VIPR2: variants seen among roughly 807,000 people sequenced by gnomAD.
The protein encoded by VIPR2 is vasoactive intestinal peptide receptor 2.
VIPR2 carries 48 observed loss-of-function variants against 58.0 expected under a neutral mutation model. That is an observed-to-expected ratio of 0.83 (90% CI 0.66 to 1.05). VIPR2 has a LOEUF of 1.05. Among genes scored for constraint, VIPR2 ranks in the 50% least tolerant of loss-of-function variants. The probability of loss-of-function intolerance (pLI) is 0.00; values close to 1 mark genes in which losing one functional copy is unlikely to be tolerated. For synonymous variants in VIPR2, 243 were observed against 235.2 expected, an observed-to-expected ratio of 1.03 and a Z score of -0.30; for missense variants, 534 against 558.0, an observed-to-expected ratio of 0.96 and a Z score of 0.43.
intron 2 of VIPR2, among the ~76,000 whole-genome samples, chr7:159,119,634 C>G (rs562810212): frequency 7.5e-4 from 115 of 152,358 alleles, no homozygotes; most frequent in African/African-American, 2.7e-3. Context: ...AGTCCCATCT[C>G]CCATGTGTGT....
intron 2 of VIPR2, among the ~76,000 whole-genome samples, chr7:159,137,791 CA>C (rs112399898): frequency 0.01 from 1,533 of 151,936 alleles, 21 homozygotes; most frequent in African/African-American, 0.035. Flanking sequence ...CAAAAAGATC[CA>C]AAAGAAAAAA....
intron 4 of VIPR2, among the ~76,000 whole-genome samples, chr7:159,101,090 T>A (rs1176218900): frequency 6.9e-6 from 1 of 144,844 alleles, no homozygotes. Context: ...AGTGAACGGG[T>A]CTCACGAGAT....
intron 2 of VIPR2, among the ~76,000 whole-genome samples, chr7:159,131,414 C>G (rs1298103051): frequency 3.9e-5 from 6 of 152,138 alleles, no homozygotes; most frequent in African/African-American, 1.4e-4. Context: ...CTCTACCTAC[C>G]CAGAAATACC....
At chr7:159,061,996 C>G (rs544038599) in intron 4 of VIPR2, among the ~76,000 whole-genome samples, 6 of 152,192 alleles carry the variant, frequency 3.9e-5, no homozygotes, top group Admixed American at 3.3e-4. Flanking sequence ...AGAGGAGCCC[C>G]GTCCTGAGAA....
At position 159,128,505 on chromosome 7, in the gene VIPR2, C is replaced by T. The variant is rs956778313; in HGVS notation, c.151+13941G>A. ...TCCCACCTGTGTGCTGGGACCCCTTCACCCTCCCTCCAGCAGCTTTGGCAG... is the reference window on the plus strand; with the variant it reads ...TCCCACCTGTGTGCTGGGACCCCTTTACCCTCCCTCCAGCAGCTTTGGCAG... On this transcript the variant is annotated intron_variant, in intron 2 of 12. Coordinates refer to ENST00000262178, the MANE Select transcript of VIPR2 (RefSeq NM_003382.5). This position sits in a 1 kb window ranked among gnomAD's most constrained non-coding sequence, Gnocchi z 4.1. 1.3e-5 allele frequency among the ~76,000 whole-genome samples: 2 copies of T among 152,164 alleles called. No homozygotes were observed. The highest frequency in any genetic ancestry group is 4.8e-5 in the African/African-American group (2 of 41,430).
Position 159,028,405 on chromosome 7 carries a change from C to T in VIPR2, c.*2211G>A, listed in dbSNP as rs1265996738. On this transcript the variant is annotated 3_prime_UTR_variant, in exon 13 of 13. Coordinates refer to ENST00000262178, the MANE Select transcript of VIPR2 (RefSeq NM_003382.5). ...TGTGCGGTTGAGGGGAGATTGTCCC[C>T]TGAGCACACCTGATGACTGATGACT... The T allele has an allele frequency of 2.0e-5, 3 of 152,414 alleles. No individual in the cohort carries two copies. Among genetic ancestry groups the T allele is most frequent in the Admixed American group, 2.0e-4 (3 of 15,292 alleles). The allele number at this position is 152,414 out of a possible 1,614,324, so 9.4% of individuals were successfully genotyped here.
rs1478783605 is a variant in VIPR2 at position 159,142,504 on chromosome 7, T to C, written c.93A>G (p.Ile31Met). The change falls in exon 2 of 13, where the codon ATA becomes ATG. Residue 31 changes from isoleucine to methionine, a missense_variant. Physicochemically the swap from Ile to Met is conservative, Grantham distance 10. Around this residue, in one of 3 missense-constraint regions of VIPR2, gnomAD observed 224 missense variants for 255.7 expected, o/e 0.88. Coordinates refer to ENST00000262178, the MANE Select transcript of VIPR2 (RefSeq NM_003382.5). ...IHPECRFHLEIQEEETKCAEL... is the reference protein window; with the variant it reads ...IHPECRFHLEMQEEETKCAEL... ...CTGCACATTTTGTTTCTTCCTCCTG[T>C]ATTTCCAGATGAAATCGGCATTCTG... 5.0e-6 allele frequency: 8 copies of C among 1,614,138 alleles called. No homozygotes were observed. Among genetic ancestry groups the C allele is most frequent in the South Asian group, 2.2e-5 (2 of 91,068 alleles).
intron 4 of VIPR2, among the ~76,000 whole-genome samples, chr7:159,100,459 G>A (rs1025752762): frequency 6.6e-5 from 10 of 151,768 alleles, no homozygotes; most frequent in Non-Finnish European, 1.5e-4. Flanking sequence ...GTGACAGTGG[G>A]CTCACAGTAA....
chr7:159,030,837 G>C (rs1853517169), intron 12 of VIPR2, 48 bp from the exon 13 acceptor site: 5 of 1,465,254 alleles, frequency 3.4e-6, no homozygotes, highest in Non-Finnish European at 4.5e-6. Flanking sequence ...GGCAGGTGCG[G>C]GCGGCTGCTA....
At chr7:159,103,105 C>T (rs73169249) in intron 4 of VIPR2, among the ~76,000 whole-genome samples, 2 of 152,088 alleles carry the variant, frequency 1.3e-5, no homozygotes, top group African/African-American at 2.4e-5. Flanking sequence ...CCACACATCC[C>T]ACACTCGGGA....
At chr7:159,132,789 CAGACTGATTT>C (rs1796986504) in intron 2 of VIPR2, among the ~76,000 whole-genome samples, 1 of 141,182 alleles carries the variant, frequency 7.1e-6, no homozygotes, top group Admixed American at 7.1e-5. Context: ...GATTGGCATA[CAGACTGATTT>C]CAGACAGAAT....
chr7:159,143,409 T>A (rs1797555028), intron 1 of VIPR2, among the ~76,000 whole-genome samples: 1 of 151,606 alleles, frequency 6.6e-6, no homozygotes, highest in Admixed American at 6.6e-5. Context: ...TGTACTAAAG[T>A]AGTAACTAAA....
At chr7:159,081,514 G>T (rs1300511121) in intron 4 of VIPR2, among the ~76,000 whole-genome samples, 1 of 152,276 alleles carries the variant, frequency 6.6e-6, no homozygotes, top group South Asian at 2.1e-4. Context: ...CCATAAAAAT[G>T]CTAGAAGAAA....
chr7:159,108,584 C>T (rs1795864215), intron 3 of VIPR2, among the ~76,000 whole-genome samples: 1 of 152,206 alleles, frequency 6.6e-6, no homozygotes, highest in South Asian at 2.1e-4. Context: ...TCACAGGCAG[C>T]AGCAGGATGC....
intron 4 of VIPR2, among the ~76,000 whole-genome samples, chr7:159,081,194 A>G (rs1170359914): frequency 6.6e-6 from 1 of 152,236 alleles, no homozygotes; most frequent in African/African-American, 2.4e-5. Flanking sequence ...AGCTGGAGGC[A>G]TCACACTACC....
At chr7:159,084,270 T>C (rs977704894) in intron 4 of VIPR2, among the ~76,000 whole-genome samples, 18 of 152,182 alleles carry the variant, frequency 1.2e-4, no homozygotes, top group African/African-American at 3.6e-4. Flanking sequence ...GCACGAGGTG[T>C]GGGCGGGAGG....
chr7:159,084,591 T>C (rs1364982124), intron 4 of VIPR2, among the ~76,000 whole-genome samples: 2 of 151,958 alleles, frequency 1.3e-5, no homozygotes, highest in African/African-American at 4.8e-5. Context: ...GCAGGCAAGG[T>C]CAGTCCCTGG....
At chr7:159,078,932 GGT>G (rs1856775895) in intron 4 of VIPR2, among the ~76,000 whole-genome samples, 1 of 152,064 alleles carries the variant, frequency 6.6e-6, no homozygotes, top group Non-Finnish European at 1.5e-5. Context: ...ACCTCTCTCG[GGT>G]GTTGTATCCG....
rs1356871023 is a variant in VIPR2 at position 159,097,101 on chromosome 7, G to C, written c.357+6656C>G. The C allele has an allele frequency of 6.6e-7, 1 of 1,506,904 alleles. No individual in the cohort carries two copies. 93.3% of individuals were successfully genotyped at this position (1,506,904 alleles called of 1,614,324 possible). A position where few individuals can be genotyped will look rare whatever the true frequency, so the allele number is the denominator to read the frequency against. On this transcript the variant is annotated intron_variant, in intron 4 of 12. Coordinates refer to ENST00000262178, the MANE Select transcript of VIPR2 (RefSeq NM_003382.5). This position sits in a 1 kb window ranked among gnomAD's most constrained non-coding sequence, Gnocchi z 5.3. Reference sequence around the variant, plus strand: ...CTGGTGTGTCCTTGCAGGGTTGCAGGAGGGTTGGCGGGATGATCAGATGGT... The same window carrying C: ...CTGGTGTGTCCTTGCAGGGTTGCAGCAGGGTTGGCGGGATGATCAGATGGT...
Sources: allele counts gnomAD v4.1 joint callset (sites outside exome capture counted in the v4.1 genomes callset), GRCh38; gene constraint gnomAD v4.1.1; regional missense constraint gnomAD v4.1.1; non-coding constraint Gnocchi (gnomAD v3.1); transcripts MANE v1.5; gene names NCBI Gene and HGNC (gene_info 2026-07-23, HGNC 2026-07-21).